LRP2: variants seen among roughly 807,000 people sequenced by gnomAD.
The protein encoded by LRP2 is LDL receptor related protein 2, also known as low-density lipoprotein receptor-related protein 2.
A neutral mutation model predicts 531.0 loss-of-function variants in LRP2; 172 were observed. The ratio of observed to expected loss-of-function variants is 0.32; its 90% CI spans 0.29 to 0.37. The LOEUF is 0.37. Ranked by LOEUF, LRP2 falls within the 10% of genes least tolerant of loss-of-function variation. LRP2 has a pLI of 1.00. For synonymous variants in LRP2, 1,992 were observed against 2,027.6 expected (o/e 0.98, Z 0.47); for missense variants, 5,167 against 5,868.3 (o/e 0.88, Z 3.90).
intron 3 of LRP2, among the ~76,000 whole-genome samples, chr2:169,314,172 A>C (rs1684696439): frequency 6.6e-6 from 1 of 152,160 alleles, no homozygotes; most frequent in Non-Finnish European, 1.5e-5. Flanking sequence ...TGAGGCAAGA[A>C]GATCACTTGA....
rs572903652 is a variant in LRP2, at chr2:169,338,856, G to A, written c.80-17972C>T. The stretch of plus-strand genomic sequence containing the variant: ...TGAAGTCCTTCTAGTCATATACTAG[G>A]GATTCAAACCACTGCTCCACCTCTT... On this transcript the variant is annotated intron_variant, in intron 1 of 78. Coordinates refer to ENST00000649046, the MANE Select transcript of LRP2 (RefSeq NM_004525.3). Among the ~76,000 whole-genome samples, 322 of 152,224 alleles carry A rather than the reference G, an allele frequency of 2.1e-3. 1 individual carries two copies. The highest frequency in any genetic ancestry group is 7.5e-3 in the African/African-American group (310 of 41,526).
intron 16 of LRP2, among the ~76,000 whole-genome samples, chr2:169,262,774 G>A (rs1432933877): frequency 4.6e-5 from 7 of 151,238 alleles, no homozygotes; most frequent in Non-Finnish European, 1.0e-4. Context: ...CCAAAAAAGA[G>A]CCCGCATCGC....
At chr2:169,275,388 TA>T in intron 13 of LRP2, 150 bp from the exon 14 acceptor site, 1 of 674,006 alleles carries the variant, frequency 1.5e-6, no homozygotes, top group Non-Finnish European at 2.6e-6. Flanking sequence ...TTTAGATGTA[TA>T]CATATTTCCA....
At chr2:169,278,749 G>C (rs991503442) in intron 12 of LRP2, among the ~76,000 whole-genome samples, 2 of 152,164 alleles carry the variant, frequency 1.3e-5, no homozygotes, top group Non-Finnish European at 2.9e-5. Flanking sequence ...AGGGTCCTAA[G>C]ACCCAATTGT....
In LRP2 at chr2:169,289,125, A is replaced by T; in HGVS notation, c.943T>A (p.Leu315Met). 6.2e-7 allele frequency: 1 copy of T among 1,614,154 alleles called. No individual in the cohort carries two copies. Among genetic ancestry groups the T allele is most frequent in the Non-Finnish European group, 8.5e-7 (1 of 1,179,980 alleles). ...KYCSMTLCSA[L>M]NCQYQCHETP... The stretch of plus-strand genomic sequence containing the variant: ...TCATGGCACTGGTACTGGCAGTTCA[A>T]GGCAGAGCACAGAGTCATACCTAAA... Residue 315 changes from leucine (L) to methionine (M), a missense_variant, in exon 9 of 79, where the codon TTG becomes ATG. Coordinates refer to ENST00000649046, the MANE Select transcript of LRP2 (RefSeq NM_004525.3).
intron 25 of LRP2, among the ~76,000 whole-genome samples, chr2:169,240,195 C>A (rs1689754361): frequency 6.6e-6 from 1 of 152,086 alleles, no homozygotes; most frequent in African/African-American, 2.4e-5. Flanking sequence ...AGAGAAAAGA[C>A]CAGAAAATCT....
At chr2:169,278,847 A>T (rs1356206103) in intron 12 of LRP2, among the ~76,000 whole-genome samples, 1 of 152,214 alleles carries the variant, frequency 6.6e-6, no homozygotes, top group Non-Finnish European at 1.5e-5. Flanking sequence ...GAAAAGCATT[A>T]TCGGTGTTGC....
At chr2:169,203,276 A>G (rs1688262729) in intron 42 of LRP2, among the ~76,000 whole-genome samples, 1 of 152,228 alleles carries the variant, frequency 6.6e-6, no homozygotes, top group Non-Finnish European at 1.5e-5. Context: ...AAAATGCACA[A>G]TGAAGCACAT....
chr2:169,243,169 A>G (rs1689871661), intron 23 of LRP2, 97 bp from the exon 24 acceptor site: 1 of 1,059,390 alleles, frequency 9.4e-7, no homozygotes, highest in East Asian at 2.5e-5. Flanking sequence ...TAAGTTCTGG[A>G]GTACATATGC....
intron 76 of LRP2, among the ~76,000 whole-genome samples, chr2:169,133,081 T>G (rs952443453): frequency 6.6e-6 from 1 of 152,244 alleles, no homozygotes; most frequent in Non-Finnish European, 1.5e-5. Context: ...CCAACCTCAC[T>G]GATGAACTGA....
chr2:169,243,930 C>A (rs1689909461), intron 22 of LRP2, among the ~76,000 whole-genome samples: 1 of 152,144 alleles, frequency 6.6e-6, no homozygotes, highest in Non-Finnish European at 1.5e-5. Flanking sequence ...AGACAGACCC[C>A]CAAAACTGGA....
intron 10 of LRP2, among the ~76,000 whole-genome samples, chr2:169,282,339 C>A (rs1683725435): frequency 6.6e-6 from 1 of 152,204 alleles, no homozygotes. Flanking sequence ...TTCTCCATGA[C>A]TTTTCTCTAC....
chr2:169,348,613 C>A (rs2390793), intron 1 of LRP2, among the ~76,000 whole-genome samples: 3 of 152,074 alleles, frequency 2.0e-5, no homozygotes, highest in Admixed American at 6.5e-5. Flanking sequence ...TCCACTAACA[C>A]GAAGTCTAAA....
At chr2:169,169,608 C>A in intron 60 of LRP2, 94 bp downstream of exon 60, 1 of 915,534 alleles carries the variant, frequency 1.1e-6, no homozygotes, top group Non-Finnish European at 1.8e-6. Flanking sequence ...ATACTTATGG[C>A]CTTTTAATCT....
intron 1 of LRP2, among the ~76,000 whole-genome samples, chr2:169,358,458 T>C (rs769917919): frequency 1.3e-5 from 2 of 151,398 alleles, no homozygotes; most frequent in Non-Finnish European, 2.9e-5. Context: ...CTGAAGGGAG[T>C]TCAGGCAGAA....
At chr2:169,175,643 CAA>C (rs34526338) in intron 54 of LRP2, among the ~76,000 whole-genome samples, 4 of 149,700 alleles carry the variant, frequency 2.7e-5, no homozygotes, top group Non-Finnish European at 4.4e-5. Context: ...ATTTCCTCCA[CAA>C]AAAAAAAACA....
rs772860058 is a variant in LRP2 at position 169,206,885 on chromosome 2, T to A, written c.6835A>T (p.Thr2279Ser). ...TCAAAAACAGTGATGCCATAAGGAG[T>A]TGGGTAACGACTGCCATAACGAATC... ...EVIRYGSRYP[T>S]PYGITVFENS... Residue 2279 changes from threonine (T) to serine (S), a missense_variant, in exon 39 of 79, where the codon ACT (threonine) becomes TCT (serine). Physicochemically the swap from Thr to Ser is moderately conservative, Grantham distance 58. Transcript: ENST00000649046. 2 of 1,613,890 alleles carry A rather than the reference T, an allele frequency of 1.2e-6. No individual in the cohort carries two copies. Among genetic ancestry groups the A allele is most frequent in the Admixed American group, 3.3e-5 (2 of 59,976 alleles).
chr2:169,325,194 G>A (rs751200808), intron 1 of LRP2, among the ~76,000 whole-genome samples: 11 of 152,056 alleles, frequency 7.2e-5, no homozygotes, highest in Non-Finnish European at 1.3e-4. Context: ...GGTAGTCAAT[G>A]GAACATTGTC....
rs1323656372 is a variant in LRP2, at chr2:169,327,719, A to C, written c.80-6835T>G. ...CCGGGAGGGAGGTGGGGGGATCAGC[A>C]CCCCGCCCGGCCAGCCGCCCCGTCC... On this transcript the variant is annotated intron_variant, in intron 1 of 78. Transcript: ENST00000649046. Among the ~76,000 whole-genome samples the C allele has an allele frequency of 4.1e-3, 261 of 63,446 alleles. 1 individual carries two copies. The highest frequency in any genetic ancestry group is 5.0e-3 in the Admixed American group (32 of 6,380). The allele number at this position is 63,446 out of a possible 152,430, so 41.6% of individuals were successfully genotyped here.
Sources: gnomAD v4.1 joint callset for allele counts (sites outside exome capture counted in the v4.1 genomes callset) on GRCh38, gnomAD v4.1.1 for gene constraint, MANE v1.5 for transcripts, NCBI Gene and HGNC (gene_info 2026-07-23, HGNC 2026-07-21) for gene names.